LGMN: variants seen among roughly 807,000 people sequenced by gnomAD.
LGMN encodes the protein legumain, also known as asparaginyl endopeptidase.
A neutral mutation model predicts 56.8 loss-of-function variants in LGMN; 36 were observed. That is an observed-to-expected ratio of 0.63 (90% CI 0.49 to 0.84). LGMN has a LOEUF of 0.84. LGMN is among the 40% of genes least tolerant of loss of function. LGMN has a pLI of 0.00. For synonymous variants in LGMN, 199 were observed against 210.1 expected (o/e 0.95, Z 0.46); for missense variants, 446 against 556.1 (o/e 0.80, Z 1.99).
intron 3 of LGMN, among the ~76,000 whole-genome samples, 159 bp downstream of exon 3, chr14:92,718,588 A>T (rs114665905): frequency 0.02 from 3,056 of 149,732 alleles, 80 homozygotes; most frequent in African/African-American, 0.062. Flanking sequence ...ATAATAATAA[A>T]AAAAAAAAAG....
chr14:92,732,625 A>G (rs1891106847), intron 2 of LGMN, 24 bp downstream of exon 2: 1 of 1,611,982 alleles, frequency 6.2e-7, no homozygotes, highest in Non-Finnish European at 8.5e-7. Context: ...TCCTTAACAA[A>G]AAAAAGATTA....
chr14:92,745,176 G>A (rs1046563424), intron 1 of LGMN, among the ~76,000 whole-genome samples: 6 of 152,142 alleles, frequency 3.9e-5, no homozygotes, highest in African/African-American at 7.2e-5. Context: ...GTCGCTCAAT[G>A]CTTAATAACT....
intron 13 of LGMN, 32 bp downstream of exon 13, chr14:92,704,608 G>A (rs768657508): frequency 1.1e-5 from 17 of 1,568,302 alleles, no homozygotes; most frequent in African/African-American, 2.7e-5. Context: ...GAATGACATC[G>A]ACCTTTCAAG....
At chr14:92,716,697 A>C (rs957212135) in intron 4 of LGMN, among the ~76,000 whole-genome samples, 1 of 152,216 alleles carries the variant, frequency 6.6e-6, no homozygotes, top group Non-Finnish European at 1.5e-5. Context: ...CCTGTATGAT[A>C]TGTTAAATTT....
At chr14:92,717,548 T>C (rs1254012797) in intron 3 of LGMN, 87 bp from the exon 4 acceptor site, 15 of 989,860 alleles carry the variant, frequency 1.5e-5, no homozygotes, top group South Asian at 9.4e-5. Flanking sequence ...TGCGAAAAAA[T>C]AGTAAACGTC....
intron 11 of LGMN, among the ~76,000 whole-genome samples, chr14:92,708,567 A>G (rs1889564029): frequency 1.3e-5 from 2 of 152,206 alleles, no homozygotes; most frequent in South Asian, 4.1e-4. Context: ...TTTTGGAGAT[A>G]ACTAGATATG....
intron 12 of LGMN, chr14:92,706,219 ACAAGTAACTGTTCTT>A: frequency 2.7e-6 from 1 of 366,440 alleles, no homozygotes. Flanking sequence ...AAGTGTGAAC[ACAAGTAACTGTTCTT>A]CAAACTAGAA....
Position 92,711,729 on chromosome 14 carries a change from G to GTC in LGMN, c.747_748dup (p.Thr250ArgfsTer10). 3 of 1,614,168 alleles carry GTC rather than the reference G, an allele frequency of 1.9e-6. No individual in the cohort carries two copies. Among genetic ancestry groups the GTC allele is most frequent in the Non-Finnish European group, 2.5e-6 (3 of 1,180,000 alleles). On this transcript the variant is annotated frameshift_variant, in exon 10 of 14. Transcript: ENST00000334869. LOFTEE classifies it high-confidence loss of function. ...TACCAGGTGGTACTGCTTGTGCAGG[G>GTC]TCTCTTTAGTCAGATCTTCCTGCAA...
chr14:92,709,937 A>G (rs1889671047), intron 10 of LGMN, 65 bp from the exon 11 acceptor site: 6 of 1,305,098 alleles, frequency 4.6e-6, no homozygotes, highest in Non-Finnish European at 6.4e-6. Flanking sequence ...AAGGCCAGAG[A>G]GAGAGGGAGA....
chr14:92,726,495 G>A (rs1411607396), intron 2 of LGMN, among the ~76,000 whole-genome samples: 1 of 152,196 alleles, frequency 6.6e-6, no homozygotes, highest in East Asian at 1.9e-4. Flanking sequence ...GTGAGGCTCT[G>A]AGTGTGTGGG....
chr14:92,741,676 C>G (rs987418069), intron 1 of LGMN: 1 of 152,110 alleles, frequency 6.6e-6, no homozygotes, highest in Admixed American at 6.6e-5. Flanking sequence ...ATGGTGAAAC[C>G]CCGTCTCTAC....
intron 8 of LGMN, among the ~76,000 whole-genome samples, chr14:92,712,412 A>G (rs1214460973): frequency 6.6e-6 from 1 of 152,202 alleles, no homozygotes; most frequent in Non-Finnish European, 1.5e-5. Context: ...TTAAAATACA[A>G]GTCTCCCAAC....
intron 2 of LGMN, among the ~76,000 whole-genome samples, chr14:92,719,266 G>A (rs1312679): frequency 0.1 from 990 of 9,652 alleles, 20 homozygotes; most frequent in African/African-American, 0.19. Flanking sequence ...CACCGCCACC[G>A]CCGCCGCCGC....
chr14:92,714,619 C>G lies in LGMN; in HGVS notation c.405-168G>C, dbSNP rs1889970855. Among the ~76,000 whole-genome samples the G allele has an allele frequency of 1.3e-5, 2 of 152,206 alleles. No individual in the cohort carries two copies. Among genetic ancestry groups the G allele is most frequent in the Non-Finnish European group, 2.9e-5 (2 of 68,036 alleles). The stretch of plus-strand genomic sequence containing the variant: ...GTGCCCGGTGTCTGGCCTGTCCCCT[C>G]CACTCCCCTTGGTGTGATTCTGAAC... On this transcript the variant is annotated intron_variant, in intron 5 of 13. Transcript: ENST00000334869. This position sits in a 1 kb window ranked among gnomAD's most constrained non-coding sequence, Gnocchi z 5.1.
intron 2 of LGMN, 102 bp from the exon 3 acceptor site, chr14:92,718,946 T>C (rs1890209508): frequency 2.9e-6 from 2 of 690,626 alleles, no homozygotes; most frequent in Non-Finnish European, 2.6e-6. Flanking sequence ...TTACTGTGAA[T>C]CATCCCGTCG....
rs886892119 is a variant in LGMN at position 92,712,996 on chromosome 14, A to G, written c.544-125T>C. On this transcript the variant is annotated intron_variant, in intron 7 of 13. Transcript: ENST00000334869. ...GTCCTCCAGGCTTGCTTCTGGAGACATTACTGCTGTAAAGAGGCTGCTGCC... is the reference window on the plus strand; with the variant it reads ...GTCCTCCAGGCTTGCTTCTGGAGACGTTACTGCTGTAAAGAGGCTGCTGCC... The G allele has an allele frequency of 9.1e-5, 69 of 754,430 alleles. No homozygotes were observed. The African/African-American group carries it at 1.0e-3, about 11-fold the overall frequency. 46.7% of individuals were successfully genotyped at this position (754,430 alleles called of 1,614,324 possible). A position where few individuals can be genotyped will look rare whatever the true frequency, so the allele number is the denominator to read the frequency against.
At position 92,719,188 on chromosome 14, in the gene LGMN, A is replaced by ACCACCG. The variant is rs1263441784; in HGVS notation, c.139-350_139-345dup. 2.2e-4 allele frequency among the ~76,000 whole-genome samples: 28 copies of ACCACCG among 127,840 alleles called. No homozygotes were observed. In the South Asian group the frequency reaches 6.8e-3, roughly 31 times the overall value. 83.9% of individuals were successfully genotyped at this position (127,840 alleles called of 152,430 possible). A position where few individuals can be genotyped will look rare whatever the true frequency, so the allele number is the denominator to read the frequency against. On this transcript the variant is annotated intron_variant, in intron 2 of 13. Transcript: ENST00000334869. ...CACCACCACCACCACCACCATCACC[A>ACCACCG]CCACCGCCACCAACACCACCACCGC...
intron 1 of LGMN, among the ~76,000 whole-genome samples, chr14:92,746,666 T>TG (rs1891832825): frequency 6.6e-6 from 1 of 152,140 alleles, no homozygotes; most frequent in Non-Finnish European, 1.5e-5. Flanking sequence ...TTCCTGGACA[T>TG]TCAGGATAAA....
intron 12 of LGMN, chr14:92,704,983 G>A (rs1386076128): frequency 5.3e-6 from 2 of 377,436 alleles, no homozygotes; most frequent in East Asian, 4.4e-5. Flanking sequence ...ACTCCCGATG[G>A]CTCTGCTCCC....
Sources: allele counts gnomAD v4.1 joint callset (sites outside exome capture counted in the v4.1 genomes callset), GRCh38; gene constraint gnomAD v4.1.1; non-coding constraint Gnocchi (gnomAD v3.1); transcripts MANE v1.5; gene names NCBI Gene and HGNC (gene_info 2026-07-23, HGNC 2026-07-21).